The following SLC25A48 variants were observed in gnomAD, a reference collection of about 807,000 sequenced individuals.
SLC25A48 encodes the protein CTC-321K16.1.
In SLC25A48, 29 loss-of-function variants were observed where a neutral mutation model predicts 32.2. The ratio of observed to expected loss-of-function variants is 0.90; its 90% CI spans 0.67 to 1.23. The LOEUF (loss-of-function observed/expected upper bound fraction) is 1.23. Among genes scored for constraint, SLC25A48 ranks in the 50% most tolerant of loss-of-function variants. SLC25A48 has a pLI of 0.00. For synonymous variants in SLC25A48, 164 were observed against 172.3 expected, an observed-to-expected ratio of 0.95 and a Z score of 0.38; for missense variants, 399 against 422.7, an observed-to-expected ratio of 0.94 and a Z score of 0.49.
chr5:135,710,965 T>C (rs1754641645), intron 3 of SLC25A48, among the ~76,000 whole-genome samples: 1 of 152,216 alleles, frequency 6.6e-6, no homozygotes, highest in South Asian at 2.1e-4. Context: ...GAGGATATAT[T>C]TGGGAAGCTT....
intron 2 of SLC25A48, among the ~76,000 whole-genome samples, chr5:135,843,466 G>A (rs116717459): frequency 0.014 from 2,139 of 152,312 alleles, 27 homozygotes; most frequent in Non-Finnish European, 0.023. Context: ...CAAGGAGACA[G>A]ATATTTTTAG....
intron 3 of SLC25A48, among the ~76,000 whole-genome samples, chr5:135,783,490 G>T (rs1756769023): frequency 2.1e-5 from 2 of 96,592 alleles, no homozygotes; most frequent in Non-Finnish European, 2.6e-5. Flanking sequence ...ACATACTGCT[G>T]TGATATTCTT....
chr5:135,852,418 C>T, intron 3 of SLC25A48, 145 bp from the exon 4 acceptor site: 1 of 1,011,242 alleles, frequency 9.9e-7, no homozygotes, highest in Non-Finnish European at 1.4e-6. Flanking sequence ...TTCCCCACCC[C>T]CTACCTCCTG....
At chr5:135,831,534 G>A (rs770030082), upstream of SLC25A48, among the ~76,000 whole-genome samples, 13 of 152,236 alleles carry the variant, frequency 8.5e-5, no homozygotes, top group Non-Finnish European at 1.8e-4. Context: ...ATAGGGTGAT[G>A]AGGAAGGCCT....
intron 3 of SLC25A48, among the ~76,000 whole-genome samples, chr5:135,673,722 C>A (rs1308148357): frequency 6.6e-6 from 1 of 151,842 alleles, no homozygotes; most frequent in Non-Finnish European, 1.5e-5. Context: ...TGATGAAGTC[C>A]AATTTATTGT....
chr5:135,883,448 C>G (rs1321845797), intron 7 of SLC25A48: 1 of 985,316 alleles, frequency 1.0e-6, no homozygotes, highest in African/African-American at 1.7e-5. Flanking sequence ...CATTAAAAAC[C>G]TCTTCACATT....
intron 3 of SLC25A48, among the ~76,000 whole-genome samples, chr5:135,797,254 T>C (rs899820912): frequency 1.3e-5 from 2 of 151,944 alleles, no homozygotes; most frequent in African/African-American, 4.8e-5. Flanking sequence ...AGCATGATAT[T>C]ACTCCCAATA....
intron 3 of SLC25A48, among the ~76,000 whole-genome samples, chr5:135,794,533 T>C (rs1158926246): frequency 6.6e-6 from 1 of 151,752 alleles, no homozygotes; most frequent in Non-Finnish European, 1.5e-5. Context: ...GTTCTTAATA[T>C]CCAGGGGAAA....
chr5:135,737,267 C>A (rs1755388984), intron 3 of SLC25A48, among the ~76,000 whole-genome samples: 1 of 151,482 alleles, frequency 6.6e-6, no homozygotes, highest in Non-Finnish European at 1.5e-5. Context: ...GGGGGTTGTT[C>A]TCTGGCTGGC....
chr5:135,823,004 A>C (rs73789196), intron 4 of SLC25A48, among the ~76,000 whole-genome samples: 7,048 of 152,174 alleles, frequency 0.046, 346 homozygotes, highest in African/African-American at 0.12. Flanking sequence ...AGAAGCTGGC[A>C]GTCTATGGGC....
At chr5:135,670,337 G>A (rs932543030) in intron 3 of SLC25A48, among the ~76,000 whole-genome samples, 9 of 152,160 alleles carry the variant, frequency 5.9e-5, no homozygotes, top group Non-Finnish European at 8.8e-5. Flanking sequence ...CAAATGATCC[G>A]TTGTGCAAGC....
At chr5:135,630,575 T>TTAGGCTGG (rs1752533093) in intron 2 of SLC25A48, among the ~76,000 whole-genome samples, 1 of 145,896 alleles carries the variant, frequency 6.9e-6, no homozygotes, top group Non-Finnish European at 1.5e-5. Context: ...GGGAAGATGG[T>TTAGGCTGG]TAGGCTGGGC....
At chr5:135,697,332 G>C (rs1466206867) in intron 3 of SLC25A48, among the ~76,000 whole-genome samples, 1 of 152,216 alleles carries the variant, frequency 6.6e-6, no homozygotes, top group East Asian at 1.9e-4. Context: ...TCTCAGCTTG[G>C]CTCAGCTCAG....
chr5:135,702,180 T>C (rs1156980400), intron 3 of SLC25A48, among the ~76,000 whole-genome samples: 1 of 152,266 alleles, frequency 6.6e-6, no homozygotes, highest in Non-Finnish European at 1.5e-5. Flanking sequence ...GGTTCCATAA[T>C]ATCCTCCCAA....
At chr5:135,738,283 C>T (rs1265383849) in intron 3 of SLC25A48, among the ~76,000 whole-genome samples, 3 of 152,148 alleles carry the variant, frequency 2.0e-5, no homozygotes, top group Non-Finnish European at 4.4e-5. Flanking sequence ...GCCAGGGTGG[C>T]TCTGTGTCCT....
chr5:135,839,702 T>A (rs1758831902), intron 1 of SLC25A48, among the ~76,000 whole-genome samples: 1 of 152,198 alleles, frequency 6.6e-6, no homozygotes, highest in Non-Finnish European at 1.5e-5. Flanking sequence ...AAATCTCGTC[T>A]TGAATTATAG....
At chr5:135,810,595 G>A (rs1183271208) in intron 3 of SLC25A48, among the ~76,000 whole-genome samples, 3 of 152,308 alleles carry the variant, frequency 2.0e-5, no homozygotes, top group African/African-American at 4.8e-5. Context: ...TCCTAACTGA[G>A]CAGGGAGATG....
chr5:135,813,957 A>G (rs1757651394), intron 4 of SLC25A48, among the ~76,000 whole-genome samples: 1 of 152,110 alleles, frequency 6.6e-6, no homozygotes, highest in Admixed American at 6.5e-5. Flanking sequence ...CGAGAAAGAA[A>G]AGCACATAGG....
At chr5:135,808,444 CT>C (rs202192946) in intron 3 of SLC25A48, among the ~76,000 whole-genome samples, 2 of 152,014 alleles carry the variant, frequency 1.3e-5, no homozygotes, top group African/African-American at 2.4e-5. Flanking sequence ...CACAAAAAAA[CT>C]TTTTTTCCCT....
Sources: gnomAD v4.1 joint callset for allele counts (sites outside exome capture counted in the v4.1 genomes callset) on GRCh38, gnomAD v4.1.1 for gene constraint, MANE v1.5 for transcripts, NCBI Gene and HGNC (gene_info 2026-07-23, HGNC 2026-07-21) for gene names.